EYA4: variants seen among roughly 807,000 people sequenced by gnomAD.
The protein encoded by EYA4 is protein phosphatase EYA4.
A neutral mutation model predicts 87.9 loss-of-function variants in EYA4; 31 were observed. The ratio of observed to expected loss-of-function variants is 0.35; its 90% CI spans 0.27 to 0.48. The LOEUF (loss-of-function observed/expected upper bound fraction) is 0.48. EYA4 is among the 20% of genes least tolerant of loss of function. EYA4 has a pLI of 0.99. For synonymous variants in EYA4, 263 were observed against 270.6 expected (o/e 0.97, Z 0.28); for missense variants, 678 against 761.4 (o/e 0.89, Z 1.29).
At chr6:133,319,128 C>T (rs1780852857) in intron 2 of EYA4, among the ~76,000 whole-genome samples, 2 of 152,198 alleles carry the variant, frequency 1.3e-5, no homozygotes, top group African/African-American at 2.4e-5. Flanking sequence ...CCCACCTCTT[C>T]TATCAGATTT....
intron 2 of EYA4, among the ~76,000 whole-genome samples, chr6:133,375,025 TG>T (rs1213317437): frequency 6.6e-6 from 1 of 152,022 alleles, no homozygotes; most frequent in Non-Finnish European, 1.5e-5. Context: ...AAACTCTTGG[TG>T]ACAACTTTTG....
chr6:133,466,114 G>A (rs1794817264), intron 10 of EYA4, among the ~76,000 whole-genome samples: 1 of 152,070 alleles, frequency 6.6e-6, no homozygotes, highest in African/African-American at 2.4e-5. Context: ...GAAGGATTCA[G>A]TCCTCCGAAA....
At chr6:133,508,787 T>C (rs1278836859) in intron 14 of EYA4, among the ~76,000 whole-genome samples, 3 of 152,182 alleles carry the variant, frequency 2.0e-5, no homozygotes, top group Non-Finnish European at 4.4e-5. Flanking sequence ...AGACATTTAT[T>C]TTAGTTCAGG....
At chr6:133,386,994 C>T (rs888677802) in intron 3 of EYA4, among the ~76,000 whole-genome samples, 1 of 152,132 alleles carries the variant, frequency 6.6e-6, no homozygotes, top group Admixed American at 6.5e-5. Flanking sequence ...TGTCTTCTTG[C>T]CCTAGTCTTT....
chr6:133,423,889 C>T (rs1790428819), intron 3 of EYA4, among the ~76,000 whole-genome samples: 1 of 152,192 alleles, frequency 6.6e-6, no homozygotes, highest in South Asian at 2.1e-4. Context: ...GGTTCTTGTC[C>T]TGCATCCAGG....
At chr6:133,447,138 A>G (rs1792927514) in intron 4 of EYA4, among the ~76,000 whole-genome samples, 1 of 152,162 alleles carries the variant, frequency 6.6e-6, no homozygotes, top group African/African-American at 2.4e-5. Flanking sequence ...TTTATTTTGA[A>G]TTATAAACAT....
intron 3 of EYA4, among the ~76,000 whole-genome samples, chr6:133,438,719 A>G (rs1376720088): frequency 6.6e-6 from 1 of 151,958 alleles, no homozygotes; most frequent in East Asian, 1.9e-4. Flanking sequence ...TACATGTAGT[A>G]AGCAACCATT....
chr6:133,444,285 A>G (rs765426933), intron 3 of EYA4, among the ~76,000 whole-genome samples: 1 of 151,766 alleles, frequency 6.6e-6, no homozygotes, highest in Non-Finnish European at 1.5e-5. Flanking sequence ...TCCTTTCTTT[A>G]TATTTGCTGA....
chr6:133,298,507 TG>T (rs1480902675), intron 2 of EYA4, among the ~76,000 whole-genome samples: 1 of 152,160 alleles, frequency 6.6e-6, no homozygotes, highest in African/African-American at 2.4e-5. Flanking sequence ...TATTCTCAAC[TG>T]AGAGTTTATT....
intron 3 of EYA4, among the ~76,000 whole-genome samples, chr6:133,409,671 T>C (rs1488463566): frequency 1.3e-5 from 2 of 152,050 alleles, no homozygotes; most frequent in African/African-American, 4.8e-5. Flanking sequence ...GGTAGAATGG[T>C]AGTTACCAGA....
intron 2 of EYA4, among the ~76,000 whole-genome samples, chr6:133,349,359 A>G (rs1283418820): frequency 6.6e-6 from 1 of 152,192 alleles, no homozygotes; most frequent in Non-Finnish European, 1.5e-5. Context: ...ATCAATTAGT[A>G]TATAAGTGTT....
chr6:133,288,730 G>T lies in EYA4; in HGVS notation c.33+13917G>T, dbSNP rs116066396. Among the ~76,000 whole-genome samples the T allele has an allele frequency of 6.4e-3, 969 of 152,236 alleles. 5 individuals are homozygous for T. The highest frequency in any genetic ancestry group is 0.021 in the African/African-American group (858 of 41,530). ...TAGGAGACCAGCATGTTTATGAAGTGCAAGGAGGAAGATGAACTGTAAGAA... is the reference window on the plus strand; with the variant it reads ...TAGGAGACCAGCATGTTTATGAAGTTCAAGGAGGAAGATGAACTGTAAGAA... On this transcript the variant is annotated intron_variant, in intron 2 of 19. Transcript: ENST00000355286.
At chr6:133,323,486 G>A (rs1781255256) in intron 2 of EYA4, among the ~76,000 whole-genome samples, 1 of 152,128 alleles carries the variant, frequency 6.6e-6, no homozygotes, top group South Asian at 2.1e-4. Context: ...CTGAAAAATT[G>A]CGTAAACTTT....
chr6:133,485,939 C>T (rs575275541), intron 13 of EYA4, among the ~76,000 whole-genome samples: 12 of 152,168 alleles, frequency 7.9e-5, no homozygotes, highest in Non-Finnish European at 1.2e-4. Context: ...AAGGCAAAAG[C>T]TTTTGAGTCA....
chr6:133,258,510 G>A (rs1453829579), intron 1 of EYA4, among the ~76,000 whole-genome samples: 3 of 152,132 alleles, frequency 2.0e-5, no homozygotes, highest in African/African-American at 7.2e-5. Flanking sequence ...TTTGAAATGA[G>A]GAAAGTGTCT....
chr6:133,307,945 G>T (rs1187890595), intron 2 of EYA4, among the ~76,000 whole-genome samples: 2 of 152,086 alleles, frequency 1.3e-5, no homozygotes, highest in Non-Finnish European at 2.9e-5. Flanking sequence ...AATCATGGGG[G>T]TGGGTTTTTC....
At chr6:133,433,798 C>A (rs758025604) in intron 3 of EYA4, among the ~76,000 whole-genome samples, 2 of 152,162 alleles carry the variant, frequency 1.3e-5, no homozygotes, top group Non-Finnish European at 2.9e-5. Flanking sequence ...AACAAGATGG[C>A]ATTTAGGAGA....
chr6:133,503,484 T>C (rs985546052), intron 13 of EYA4, among the ~76,000 whole-genome samples: 1 of 152,238 alleles, frequency 6.6e-6, no homozygotes, highest in Non-Finnish European at 1.5e-5. Flanking sequence ...TTTAGGGCAG[T>C]AATCATCAGA....
chr6:133,364,258 T>C (rs77139100), intron 2 of EYA4, among the ~76,000 whole-genome samples: 2,525 of 152,290 alleles, frequency 0.017, 61 homozygotes, highest in African/African-American at 0.055. Context: ...TGGAAGATTA[T>C]AAACTCCCCT....
Sources: gnomAD v4.1 joint callset for allele counts (sites outside exome capture counted in the v4.1 genomes callset) on GRCh38, gnomAD v4.1.1 for gene constraint, MANE v1.5 for transcripts, NCBI Gene and HGNC (gene_info 2026-07-23, HGNC 2026-07-21) for gene names.